ANGPT1: variants seen among roughly 807,000 people sequenced by gnomAD.
ANGPT1 encodes angiopoietin 1.
A neutral mutation model predicts 62.2 loss-of-function variants in ANGPT1; 17 were observed. The ratio of observed to expected loss-of-function variants is 0.27; its 90% confidence interval spans 0.19 to 0.41. ANGPT1 has a LOEUF of 0.41. Ranked by LOEUF, ANGPT1 falls within the 10% of genes least tolerant of loss-of-function variation. The pLI is 1.00. For synonymous variants in ANGPT1, 199 were observed against 198.9 expected (o/e 1.00, Z 0.00); for missense variants, 478 against 594.9 (o/e 0.80, Z 2.04).
chr8:107,258,198 T>C lies in ANGPT1; in HGVS notation c.1336+6023A>G, dbSNP rs572922422. ...TGTCATTCTCTTTGAATGTCATCCC[T>C]TTTAATGGAGGCAGTAGAAAGAGTA... On this transcript the variant is annotated intron_variant, in intron 8 of 8. Transcript: ENST00000517746. Among the ~76,000 whole-genome samples, 41 of 152,176 alleles carry C rather than the reference T, an allele frequency of 2.7e-4. No individual in the cohort carries two copies. In the East Asian group the frequency reaches 7.9e-3, roughly 29 times the overall value.
chr8:107,412,197 A>C (rs572516615), intron 1 of ANGPT1, among the ~76,000 whole-genome samples: 1 of 152,288 alleles, frequency 6.6e-6, no homozygotes, highest in East Asian at 1.9e-4. Flanking sequence ...AGATTTTCGC[A>C]GAAGCCCCTG....
chr8:107,432,306 A>G (rs1224364846), intron 1 of ANGPT1, among the ~76,000 whole-genome samples: 1 of 152,126 alleles, frequency 6.6e-6, no homozygotes, highest in African/African-American at 2.4e-5. Flanking sequence ...AGACAATAGG[A>G]TTTACTTTCC....
chr8:107,304,958 C>T (rs1359740527), intron 4 of ANGPT1, among the ~76,000 whole-genome samples: 1 of 151,796 alleles, frequency 6.6e-6, no homozygotes, highest in Non-Finnish European at 1.5e-5. Flanking sequence ...ATGCAAATAG[C>T]AATTTAAAGA....
chr8:107,408,014 T>C (rs904605020), intron 1 of ANGPT1, among the ~76,000 whole-genome samples: 8 of 152,190 alleles, frequency 5.3e-5, no homozygotes, highest in African/African-American at 1.9e-4. Context: ...TGGTAAGCAC[T>C]GGCATATAGT....
chr8:107,323,690 T>A (rs1369857458), intron 3 of ANGPT1, among the ~76,000 whole-genome samples: 2 of 152,214 alleles, frequency 1.3e-5, no homozygotes, highest in African/African-American at 4.8e-5. Context: ...ATGATGTCAA[T>A]CATACTAGTC....
intron 8 of ANGPT1, among the ~76,000 whole-genome samples, chr8:107,258,158 G>A (rs1282029653): frequency 6.6e-6 from 1 of 151,708 alleles, no homozygotes; most frequent in Non-Finnish European, 1.5e-5. Flanking sequence ...TGCTGCAAAC[G>A]GTACAATAGA....
chr8:107,427,714 A>AT (rs1811075298), intron 1 of ANGPT1, among the ~76,000 whole-genome samples: 1 of 152,154 alleles, frequency 6.6e-6, no homozygotes, highest in East Asian at 1.9e-4. Flanking sequence ...TGAATGGTGG[A>AT]TTGTTTTAGA....
At chr8:107,425,534 G>T (rs1439740824) in intron 1 of ANGPT1, among the ~76,000 whole-genome samples, 1 of 152,112 alleles carries the variant, frequency 6.6e-6, no homozygotes, top group Admixed American at 6.5e-5. Context: ...TGCTTTTCTA[G>T]ATAACATCAC....
chr8:107,352,905 A>C (rs763549511), intron 1 of ANGPT1, among the ~76,000 whole-genome samples: 2 of 152,206 alleles, frequency 1.3e-5, no homozygotes, highest in Non-Finnish European at 2.9e-5. Flanking sequence ...ATCTAATCTC[A>C]TTGTTCCATA....
At chr8:107,414,279 G>T (rs1810675881) in intron 1 of ANGPT1, among the ~76,000 whole-genome samples, 1 of 152,042 alleles carries the variant, frequency 6.6e-6, no homozygotes, top group South Asian at 2.1e-4. Context: ...AAGTAGGCTA[G>T]CTACAATGCA....
chr8:107,404,494 CTT>C (rs1250038023), intron 1 of ANGPT1, among the ~76,000 whole-genome samples: 1 of 151,860 alleles, frequency 6.6e-6, no homozygotes, highest in South Asian at 2.1e-4. Context: ...GTGCCATGTC[CTT>C]TTTTAAAGAT....
intron 1 of ANGPT1, 118 bp from the exon 2 acceptor site, chr8:107,347,215 T>A (rs1176811103): frequency 4.1e-6 from 4 of 985,326 alleles, no homozygotes; most frequent in Non-Finnish European, 5.9e-6. Flanking sequence ...CTGGCGGGGA[T>A]CCTCTACATC....
At chr8:107,273,426 T>C (rs1277215309) in intron 7 of ANGPT1, among the ~76,000 whole-genome samples, 1 of 152,068 alleles carries the variant, frequency 6.6e-6, no homozygotes, top group African/African-American at 2.4e-5. Context: ...ATGACCAAAG[T>C]CATCAGTGTG....
At chr8:107,397,216 T>C (rs1336116396) in intron 1 of ANGPT1, among the ~76,000 whole-genome samples, 2 of 152,190 alleles carry the variant, frequency 1.3e-5, no homozygotes, top group Non-Finnish European at 2.9e-5. Flanking sequence ...AGAGGAAATA[T>C]GCATATATGT....
chr8:107,397,274 C>T (rs1303999184), intron 1 of ANGPT1, among the ~76,000 whole-genome samples: 4 of 152,072 alleles, frequency 2.6e-5, no homozygotes, highest in Non-Finnish European at 4.4e-5. Flanking sequence ...GTCCCCAAGG[C>T]CAATGTGCCA....
chr8:107,375,653 C>T (rs1201733380), intron 1 of ANGPT1, among the ~76,000 whole-genome samples: 1 of 152,114 alleles, frequency 6.6e-6, no homozygotes, highest in Non-Finnish European at 1.5e-5. Context: ...GTTAGCCAGG[C>T]TCCATATTGG....
chr8:107,492,932 C>T (rs907378645), intron 1 of ANGPT1, among the ~76,000 whole-genome samples: 3 of 150,240 alleles, frequency 2.0e-5, no homozygotes, highest in African/African-American at 7.4e-5. Context: ...CTGTACTGAA[C>T]AAGAAATACT....
intron 3 of ANGPT1, among the ~76,000 whole-genome samples, chr8:107,329,037 AATT>A (rs1179113988): frequency 6.6e-6 from 1 of 152,014 alleles, no homozygotes; most frequent in African/African-American, 2.4e-5. Context: ...ATGTATGACA[AATT>A]ATTATGAAAT....
chr8:107,496,877 G>T (rs1381425790), intron 1 of ANGPT1, among the ~76,000 whole-genome samples: 1 of 152,060 alleles, frequency 6.6e-6, no homozygotes, highest in Non-Finnish European at 1.5e-5. Flanking sequence ...GTGCAAAATC[G>T]ATTTGATCTT....
Sources: allele counts gnomAD v4.1 joint callset (sites outside exome capture counted in the v4.1 genomes callset), GRCh38; gene constraint gnomAD v4.1.1; transcripts MANE v1.5; gene names NCBI Gene and HGNC (gene_info 2026-07-23, HGNC 2026-07-21).